ABCD2: variants seen among roughly 807,000 people sequenced by gnomAD.
The protein encoded by ABCD2 is ATP-binding cassette sub-family D member 2.
Under a neutral mutation model 70.9 loss-of-function variants are expected in ABCD2, and 36 were observed. The observed-to-expected ratio is 0.51, with a 90% CI of 0.39 to 0.67. ABCD2 has a LOEUF of 0.67. ABCD2 is among the 30% of genes least tolerant of loss of function. The pLI is 0.00. For missense variants in ABCD2, 729 were observed against 890.2 expected (o/e 0.82, Z 2.30); for synonymous variants, 304 against 306.9 (o/e 0.99, Z 0.10).
intron 6 of ABCD2, 34 bp from the exon 7 acceptor site, chr12:39,586,331 G>C (rs1462988274): frequency 3.1e-6 from 5 of 1,592,776 alleles, no homozygotes; most frequent in Non-Finnish European, 4.3e-6. Flanking sequence ...AATCCTAGTG[G>C]AAAGTCATGA....
downstream of ABCD2, among the ~76,000 whole-genome samples, chr12:39,548,680 T>C (rs1941050019): frequency 6.6e-6 from 1 of 151,468 alleles, no homozygotes; most frequent in South Asian, 2.1e-4. Context: ...TTAATATATT[T>C]AATATATACA....
chr12:39,557,707 C>A (rs967542854), intron 9 of ABCD2, among the ~76,000 whole-genome samples: 1 of 152,124 alleles, frequency 6.6e-6, no homozygotes, highest in African/African-American at 2.4e-5. Flanking sequence ...CCAGCTGTGG[C>A]TAAAATGGGC....
chr12:39,562,686 T>A (rs1792774664), intron 9 of ABCD2, among the ~76,000 whole-genome samples: 1 of 151,956 alleles, frequency 6.6e-6, no homozygotes, highest in Admixed American at 6.6e-5. Context: ...TGGAATCACA[T>A]CAAGAAAGTC....
chr12:39,582,522 T>G (rs537780621), intron 7 of ABCD2, among the ~76,000 whole-genome samples: 2 of 152,202 alleles, frequency 1.3e-5, no homozygotes, highest in Non-Finnish European at 2.9e-5. Flanking sequence ...AAGAATAGAA[T>G]ATTTCATGTT....
chr12:39,563,298 G>A (rs1184986664), intron 9 of ABCD2, among the ~76,000 whole-genome samples: 2 of 152,122 alleles, frequency 1.3e-5, no homozygotes, highest in Non-Finnish European at 2.9e-5. Context: ...GGCCAAGGTG[G>A]GAGGATCACT....
At chr12:39,545,385 C>T (rs114263345), downstream of ABCD2, among the ~76,000 whole-genome samples, 692 of 152,154 alleles carry the variant, frequency 4.5e-3, 5 homozygotes, top group African/African-American at 0.016. Flanking sequence ...TTCCGCCTCC[C>T]GGGTTCAAGC....
chr12:39,555,995 A>AGGG (rs1941160151), intron 9 of ABCD2, among the ~76,000 whole-genome samples: 1 of 152,204 alleles, frequency 6.6e-6, no homozygotes, highest in Non-Finnish European at 1.5e-5. Flanking sequence ...AGCTGCAGCA[A>AGGG]TCACTATCTT....
chr12:39,572,087 A>G (rs529907787), intron 9 of ABCD2, among the ~76,000 whole-genome samples: 2 of 152,346 alleles, frequency 1.3e-5, no homozygotes, highest in South Asian at 4.1e-4. Flanking sequence ...GTCAAAAGGC[A>G]TAGCCTTACA....
chr12:39,567,493 C>G (rs1941371301), intron 9 of ABCD2, among the ~76,000 whole-genome samples: 1 of 152,110 alleles, frequency 6.6e-6, no homozygotes, highest in African/African-American at 2.4e-5. Flanking sequence ...GTAGATCTTC[C>G]TCTATCCCTT....
At position 39,618,025 on chromosome 12, in the gene ABCD2, C is replaced by CT. The variant is rs67856652; in HGVS notation, c.939+651dup. On this transcript the variant is annotated intron_variant, in intron 1 of 9. Coordinates refer to ENST00000308666, the MANE Select transcript of ABCD2 (RefSeq NM_005164.4). Reference sequence around the variant, plus strand: ...CTCCTCATTTCTTCTCTAATTTCAGCTTTTTTTTTTTTTCAAAGCTAGACA... The same window carrying CT: ...CTCCTCATTTCTTCTCTAATTTCAGCTTTTTTTTTTTTTTCAAAGCTAGACA... Among the ~76,000 whole-genome samples, 366 of 140,386 alleles carry CT rather than the reference C, an allele frequency of 2.6e-3. 2 individuals are homozygous for CT. Among genetic ancestry groups the CT allele is most frequent in the South Asian group, 0.019 (83 of 4,402 alleles). The allele number at this position is 140,386 out of a possible 152,430, so 92.1% of individuals were successfully genotyped here. A position where few individuals can be genotyped will look rare whatever the true frequency, so the allele number is the denominator to read the frequency against.
chr12:39,534,758 AAG>A, the ABCD2 span, among the ~76,000 whole-genome samples: 14 of 70,514 alleles, frequency 2.0e-4, no homozygotes, highest in East Asian at 5.1e-4. Context: ...GAAAGAAAGA[AAG>A]AGAAAGAAAG....
intron 9 of ABCD2, among the ~76,000 whole-genome samples, chr12:39,554,396 A>G (rs1244073666): frequency 6.6e-6 from 1 of 152,120 alleles, no homozygotes; most frequent in Non-Finnish European, 1.5e-5. Flanking sequence ...TGTTGCATGT[A>G]TTTAATTTCT....
chr12:39,600,864 A>C, intron 5 of ABCD2, 148 bp from the exon 6 acceptor site: 1 of 695,944 alleles, frequency 1.4e-6, no homozygotes. Flanking sequence ...CAGGGTTGAG[A>C]ACAAGTTTGG....
downstream of ABCD2, among the ~76,000 whole-genome samples, chr12:39,546,302 T>G (rs1941024804): frequency 6.6e-6 from 1 of 152,170 alleles, no homozygotes; most frequent in South Asian, 2.1e-4. Context: ...TTTTATTTTT[T>G]GCTCCATTTG....
At chr12:39,562,973 G>A (rs773010055) in intron 9 of ABCD2, among the ~76,000 whole-genome samples, 2 of 152,190 alleles carry the variant, frequency 1.3e-5, no homozygotes, top group African/African-American at 2.4e-5. Context: ...CCATGATCAC[G>A]TGGAATTCAT....
chr12:39,587,781 C>A (rs1941685938), intron 6 of ABCD2, among the ~76,000 whole-genome samples: 1 of 151,972 alleles, frequency 6.6e-6, no homozygotes, highest in Non-Finnish European at 1.5e-5. Context: ...AAGGAAGAAA[C>A]CTTAAAATTG....
intron 1 of ABCD2, among the ~76,000 whole-genome samples, chr12:39,618,127 T>C (rs987165277): frequency 5.9e-5 from 9 of 152,062 alleles, no homozygotes; most frequent in Non-Finnish European, 1.3e-4. Context: ...AGAAATGCCA[T>C]TTTGTGAGAC....
At chr12:39,533,369 C>G in the ABCD2 span, among the ~76,000 whole-genome samples, 2 of 151,978 alleles carry the variant, frequency 1.3e-5, no homozygotes, top group Admixed American at 1.3e-4. Context: ...CAAAACAATC[C>G]ATTTCCTCAA....
At chr12:39,595,546 AAATTT>A (rs1490665254) in intron 6 of ABCD2, among the ~76,000 whole-genome samples, 8 of 152,198 alleles carry the variant, frequency 5.3e-5, no homozygotes, top group African/African-American at 1.4e-4. Flanking sequence ...GCTTACAATC[AAATTT>A]AAGACTTTTA....
Sources: gnomAD v4.1 joint callset for allele counts (sites outside exome capture counted in the v4.1 genomes callset) on GRCh38, gnomAD v4.1.1 for gene constraint, MANE v1.5 for transcripts, NCBI Gene and HGNC (gene_info 2026-07-23, HGNC 2026-07-21) for gene names.